The following DNAJC11 variants were observed in gnomAD, a reference collection of about 807,000 sequenced individuals.
DNAJC11 encodes the protein DnaJ heat shock protein family (Hsp40) member C11.
DNAJC11 carries 15 observed loss-of-function variants against 78.6 expected under a neutral mutation model. The ratio of observed to expected loss-of-function variants is 0.19; its 90% confidence interval spans 0.13 to 0.29. The LOEUF (loss-of-function observed/expected upper bound fraction) is 0.29, where lower values mean the gene tolerates loss of function less well. Among genes scored for constraint, DNAJC11 ranks in the 10% least tolerant of loss-of-function variants. The pLI, the probability that DNAJC11 is intolerant of heterozygous loss-of-function variation, is 1.00. For missense variants in DNAJC11, 547 were observed against 709.6 expected, an observed-to-expected ratio of 0.77 and a Z score of 2.60; for synonymous variants, 292 against 272.1, an observed-to-expected ratio of 1.07 and a Z score of -0.72.
In DNAJC11 at chr1:6,640,071, CAA is replaced by C. The variant is rs56145914; in HGVS notation, c.1098-16_1098-15del. On this transcript the variant is annotated splice_polypyrimidine_tract_variant and intron_variant, in intron 10 of 15. Transcript: ENST00000377577. ...GCCCTGTTGAGCCTGGGGAAAAATA[CAA>C]AAAAAAAAAAAAAAAAGCCAAGATG... The C allele has an allele frequency of 0.012, 14,047 of 1,188,428 alleles. No individual in the cohort carries two copies. The highest frequency in any genetic ancestry group is 0.023 in the East Asian group (670 of 29,772). 73.6% of individuals were successfully genotyped at this position (1,188,428 alleles called of 1,614,324 possible). A position where few individuals can be genotyped will look rare whatever the true frequency, so the allele number is the denominator to read the frequency against.
At position 6,653,514 on chromosome 1, in the gene DNAJC11, G is replaced by GCTCA. The variant is rs568130784; in HGVS notation, c.507+393_507+396dup. The stretch of plus-strand genomic sequence containing the variant: ...ATGGTGACATTTTCGCGTGCCCAGG[G>GCTCA]CTCAGGATGAGAGCTGCTATAGCCT... On this transcript the variant is annotated intron_variant, in intron 5 of 15. Transcript: ENST00000377577. This position sits in a 1 kb window ranked among gnomAD's most constrained non-coding sequence, Gnocchi z 4.5. Among the ~76,000 whole-genome samples, 5 of 152,234 alleles carry GCTCA rather than the reference G, an allele frequency of 3.3e-5. No homozygotes were observed. Among genetic ancestry groups the GCTCA allele is most frequent in the Non-Finnish European group, 5.9e-5 (4 of 68,040 alleles).
chr1:6,668,914 C>T lies in DNAJC11; in HGVS notation c.277-1104G>A, dbSNP rs145333814. 8.0e-4 allele frequency among the ~76,000 whole-genome samples: 122 copies of T among 152,100 alleles called. 1 individual carries two copies. Among genetic ancestry groups the T allele is most frequent in the African/African-American group, 2.6e-3 (110 of 41,526 alleles). On this transcript the variant is annotated intron_variant, in intron 3 of 15. Coordinates refer to ENST00000377577, the MANE Select transcript of DNAJC11 (RefSeq NM_018198.4). ...GAAAATAAGGTATTCCGGCCTGGCG[C>T]GGTGGCTCACGCCTGTAATCCCAGC...
intron 1 of DNAJC11, among the ~76,000 whole-genome samples, chr1:6,687,740 T>C (rs952230227): frequency 6.6e-6 from 1 of 152,160 alleles, no homozygotes; most frequent in African/African-American, 2.4e-5. Context: ...TTCATTCACA[T>C]GTAGAATATC....
At chr1:6,670,006 T>C (rs1043180125) in intron 3 of DNAJC11, among the ~76,000 whole-genome samples, 17 of 151,474 alleles carry the variant, frequency 1.1e-4, no homozygotes, top group African/African-American at 4.1e-4. Flanking sequence ...CAGGCTGGAG[T>C]GCGGTGGTGC....
At position 6,653,139 on chromosome 1, in the gene DNAJC11, T is replaced by C. The variant is rs1362480328; in HGVS notation, c.508-188A>G. Among the ~76,000 whole-genome samples, 1 of 152,198 alleles carries C rather than the reference T, an allele frequency of 6.6e-6. No homozygotes were observed. Among genetic ancestry groups the C allele is most frequent in the Non-Finnish European group, 1.5e-5 (1 of 68,036 alleles). On this transcript the variant is annotated intron_variant, in intron 5 of 15. Coordinates refer to ENST00000377577, the MANE Select transcript of DNAJC11 (RefSeq NM_018198.4). The surrounding 1 kb of genome is among the most constrained non-coding windows in gnomAD (Gnocchi z 4.5). ...TCCGCTTTGTTATTTGGTCTGCATG[T>C]GACCACGAGGGTAATATGCTTTGCA...
intron 3 of DNAJC11, among the ~76,000 whole-genome samples, chr1:6,676,050 A>G (rs1282900066): frequency 6.6e-6 from 1 of 152,128 alleles, no homozygotes; most frequent in Non-Finnish European, 1.5e-5. Flanking sequence ...TCCTTTTTGG[A>G]TGAGAAAATG....
intron 1 of DNAJC11, among the ~76,000 whole-genome samples, chr1:6,695,143 CAA>C (rs747901916): frequency 1.0e-4 from 14 of 134,474 alleles, no homozygotes; most frequent in East Asian, 6.6e-4. Flanking sequence ...GAGACTCTCT[CAA>C]AAAAAAAAAA....
At chr1:6,697,218 C>A (rs1349724611) in intron 1 of DNAJC11, among the ~76,000 whole-genome samples, 1 of 152,148 alleles carries the variant, frequency 6.6e-6, no homozygotes, top group Non-Finnish European at 1.5e-5. Context: ...GCTCTGTAAA[C>A]AGGAAATCTA....
At position 6,644,893 on chromosome 1, in the gene DNAJC11, C is replaced by T. The variant is rs1314515623; in HGVS notation, c.980+148G>A. 5 of 855,920 alleles carry T rather than the reference C, an allele frequency of 5.8e-6. No individual in the cohort carries two copies. The African/African-American group carries it at 8.3e-5, about 14-fold the overall frequency. The allele number at this position is 855,920 out of a possible 1,614,324, so 53.0% of individuals were successfully genotyped here. The stretch of plus-strand genomic sequence containing the variant: ...AGGGCTGGGACTGTAGTGTTAAATC[C>T]CCCACAGCCTCAAAATAGGAAGCTC... On this transcript the variant is annotated intron_variant, in intron 9 of 15. Transcript: ENST00000377577.
rs146590118 is a variant in DNAJC11, at chr1:6,637,362, A to C, written c.1382-22T>G. ...AGGCCTAAGGACAGACTCCGAGTAG[A>C]GGAAGGCCTCCTCCAGGCACCTCCT... is the stretch of plus-strand genomic sequence containing the variant. On this transcript the variant is annotated intron_variant, in intron 13 of 15. Transcript: ENST00000377577. The C allele has an allele frequency of 1.5e-4, 237 of 1,614,228 alleles. No individual in the cohort carries two copies. In the African/African-American group the frequency reaches 2.7e-3, roughly 18 times the overall value.
At chr1:6,638,461 G>T in intron 11 of DNAJC11, 97 bp from the exon 12 acceptor site, 1 of 1,142,456 alleles carries the variant, frequency 8.8e-7, no homozygotes, top group Non-Finnish European at 1.2e-6. Context: ...CCAGCAAACA[G>T]TCTGTGATCT....
intron 3 of DNAJC11, among the ~76,000 whole-genome samples, chr1:6,677,947 T>C (rs1642496111): frequency 1.3e-5 from 2 of 152,214 alleles, no homozygotes; most frequent in South Asian, 4.1e-4. Context: ...GTGCATAACA[T>C]ACTCCCATCT....
intron 2 of DNAJC11, among the ~76,000 whole-genome samples, chr1:6,678,971 G>A (rs949168323): frequency 2.0e-5 from 3 of 152,078 alleles, no homozygotes; most frequent in East Asian, 3.9e-4. Context: ...GTTTAAAGGC[G>A]GCTACAAATG....
intron 4 of DNAJC11, among the ~76,000 whole-genome samples, chr1:6,656,893 G>A (rs1212057077): frequency 6.6e-6 from 1 of 152,106 alleles, no homozygotes; most frequent in Non-Finnish European, 1.5e-5. Context: ...TCTAGCCTGG[G>A]TGATAGTATG....
At chr1:6,651,044 G>A (rs374107858) in intron 7 of DNAJC11, 27 of 533,552 alleles carry the variant, frequency 5.1e-5, no homozygotes, top group Middle Eastern at 3.2e-4. Context: ...CACTGCTGTC[G>A]TTCTAGAAGG....
chr1:6,684,083 CTT>C (rs1335878289), intron 1 of DNAJC11, among the ~76,000 whole-genome samples: 19 of 140,138 alleles, frequency 1.4e-4, no homozygotes, highest in Admixed American at 1.4e-4. Flanking sequence ...AAATCATTTT[CTT>C]TTTTTTTTTT....
At chr1:6,637,818 A>C in intron 12 of DNAJC11, 1 of 486,948 alleles carries the variant, frequency 2.1e-6, no homozygotes, top group Non-Finnish European at 3.7e-6. Flanking sequence ...TAAAAAAACA[A>C]TGCGTTGTCA....
chr1:6,652,724 A>G, intron 6 of DNAJC11, 105 bp downstream of exon 6: 1 of 1,512,892 alleles, frequency 6.6e-7, no homozygotes, highest in Non-Finnish European at 8.9e-7. Context: ...TTCTTACACA[A>G]CAACGGGGCC....
chr1:6,641,110 GC>G (rs1219600467), intron 10 of DNAJC11, among the ~76,000 whole-genome samples: 1 of 152,054 alleles, frequency 6.6e-6, no homozygotes, highest in Non-Finnish European at 1.5e-5. Context: ...ACTTGGCCAG[GC>G]TCAGTGGCTC....
Sources: gnomAD v4.1 joint callset for allele counts (sites outside exome capture counted in the v4.1 genomes callset) on GRCh38, gnomAD v4.1.1 for gene constraint, Gnocchi (gnomAD v3.1) non-coding constraint, MANE v1.5 for transcripts, NCBI Gene and HGNC (gene_info 2026-07-23, HGNC 2026-07-21) for gene names.